Variants in ZNF14 observed in about 807,000 individuals in gnomAD.
ZNF14 encodes zinc finger protein 14.
Under a neutral mutation model 11.3 loss-of-function variants are expected in ZNF14, and 9 were observed. The observed-to-expected ratio is 0.80, with a 90% CI of 0.48 to 1.39. The LOEUF (loss-of-function observed/expected upper bound fraction) is 1.39. Among genes scored for constraint, ZNF14 ranks in the 40% most tolerant of loss-of-function variants. The pLI, the probability that ZNF14 is intolerant of heterozygous loss-of-function variation, is 0.00. For synonymous variants in ZNF14, 239 were observed against 245.7 expected, an observed-to-expected ratio of 0.97 and a Z score of 0.25; for missense variants, 711 against 763.9, an observed-to-expected ratio of 0.93 and a Z score of 0.82.
Position 19,723,920 on chromosome 19 carries a change from T to G in ZNF14, c.3+9036A>C, listed in dbSNP as rs896551305. Among the ~76,000 whole-genome samples the G allele has an allele frequency of 1.2e-4, 16 of 134,244 alleles. 5 individuals are homozygous for G. Among genetic ancestry groups the G allele is most frequent in the African/African-American group, 3.0e-4 (11 of 36,392 alleles). The allele number at this position is 134,244 out of a possible 152,430, so 88.1% of individuals were successfully genotyped here. A position where few individuals can be genotyped will look rare whatever the true frequency, so the allele number is the denominator to read the frequency against. On this transcript the variant is annotated intron_variant, in intron 1 of 3. Coordinates refer to ENST00000344099, the MANE Select transcript of ZNF14 (RefSeq NM_021030.3). The stretch of plus-strand genomic sequence containing the variant: ...GTAGTTTGTATTTCTGTGGGATCAG[T>G]GGTGATATCCCCTTTATCATTTTTT...
intron 1 of ZNF14, among the ~76,000 whole-genome samples, chr19:19,721,160 G>A (rs1599470224): frequency 6.6e-6 from 1 of 152,214 alleles, no homozygotes; most frequent in East Asian, 1.9e-4. Context: ...GTTTCACCAT[G>A]TTAGTCAGGC....
chr19:19,711,390 G>T lies in ZNF14; in HGVS notation c.1891C>A (p.Arg631=). The T allele has an allele frequency of 1.3e-6, 2 of 1,586,150 alleles. No individual in the cohort carries two copies. Among genetic ancestry groups the T allele is most frequent in the African/African-American group, 1.4e-5 (1 of 73,718 alleles). Residue 631 remains arginine, a synonymous_variant, in exon 4 of 4, where the codon CGA becomes AGA. Coordinates refer to ENST00000344099, the MANE Select transcript of ZNF14 (RefSeq NM_021030.3). ...CCCATATGAGTCCTTTCATGCAGTC[G>T]AAAGTGACTGGAAGAAATGAAGGCT... ...GKAFISSSHF[R]LHERTHMGEK...
intron 1 of ZNF14, among the ~76,000 whole-genome samples, chr19:19,729,695 C>G (rs1056678436): frequency 3.3e-5 from 5 of 152,034 alleles, no homozygotes; most frequent in African/African-American, 4.8e-5. Context: ...TACTTGTTTT[C>G]AAGGGTACCA....
chr19:19,714,837 A>G (rs1285807874), intron 1 of ZNF14, among the ~76,000 whole-genome samples: 2 of 149,990 alleles, frequency 1.3e-5, no homozygotes, highest in Admixed American at 1.3e-4. Context: ...CCAGCCTCCT[A>G]AGTAGCTGGG....
At position 19,712,210 on chromosome 19, in the gene ZNF14, A is replaced by G; in HGVS notation, c.1071T>C (p.His357=). The G allele has an allele frequency of 1.9e-6, 3 of 1,613,928 alleles. No individual in the cohort carries two copies. Among genetic ancestry groups the G allele is most frequent in the South Asian group, 1.1e-5 (1 of 91,036 alleles). The change falls in exon 4 of 4, where the codon CAT becomes CAC. Residue 357 remains histidine (H), a synonymous_variant. Coordinates refer to ENST00000344099, the MANE Select transcript of ZNF14 (RefSeq NM_021030.3). Reference sequence around the variant, plus strand: ...TACATTCATATGGTTTTTCTCCAATATGAGTTCTTTCATGCACTCGACAGG... The same window carrying G: ...TACATTCATATGGTTTTTCTCCAATGTGAGTTCTTTCATGCACTCGACAGG... ...SNSCRVHERT[H]IGEKPYECKR...
At position 19,727,750 on chromosome 19, in the gene ZNF14, C is replaced by T. The variant is rs948004360; in HGVS notation, c.3+5206G>A. 7.5e-5 allele frequency among the ~76,000 whole-genome samples: 10 copies of T among 134,090 alleles called. 1 individual carries two copies. Among genetic ancestry groups the T allele is most frequent in the South Asian group, 2.4e-4 (1 of 4,106 alleles). 88.0% of individuals were successfully genotyped at this position (134,090 alleles called of 152,430 possible). On this transcript the variant is annotated intron_variant, in intron 1 of 3. Transcript: ENST00000344099. ...CATCCAATCAATGCATCTTTATAGA[C>T]GCTTGGCATGTATTCCCAAACACCC...
Position 19,711,765 on chromosome 19 carries a change from T to G in ZNF14, c.1516A>C (p.Lys506Gln). 6.2e-7 allele frequency: 1 copy of G among 1,613,688 alleles called. No individual in the cohort carries two copies. The highest frequency in any genetic ancestry group is 8.5e-7 in the Non-Finnish European group (1 of 1,179,584). The change falls in exon 4 of 4, where the codon AAA (lysine) becomes CAA (glutamine). Residue 506 changes from lysine to glutamine, a missense_variant. Physicochemically the swap from Lys to Gln is moderately conservative, Grantham distance 53. Transcript: ENST00000344099. The part of the protein sequence containing the change: ...THTGEKPYEC[K>Q]LCGKTFSFSS... ...AAACTGAAGGTTTTACCGCATAGTT[T>G]ACATTCATAGGGTTTCTCTCCAGTG...
intron 1 of ZNF14, among the ~76,000 whole-genome samples, chr19:19,728,017 G>A (rs2145105292): frequency 7.5e-6 from 1 of 133,224 alleles, no homozygotes; most frequent in Non-Finnish European, 1.7e-5. Flanking sequence ...TCGGGAGGCT[G>A]AGGCAGGAGA....
Position 19,712,929 on chromosome 19 carries a change from G to C in ZNF14, c.352C>G (p.Leu118Val). 6.2e-7 allele frequency: 1 copy of C among 1,614,096 alleles called. No homozygotes were observed. The highest frequency in any genetic ancestry group is 8.5e-7 in the Non-Finnish European group (1 of 1,180,028). Residue 118 changes from leucine (L) to valine (V), a missense_variant, in exon 4 of 4, where the codon CTT becomes GTT. By Grantham distance (32) the Leu-to-Val change is conservative (BLOSUM62 1). Transcript: ENST00000344099. ...GTGTGAGATCTCATGTGCCTATTAA[G>C]GGACGAATGATGAATGAAGTCTCTT... ...CGRDFIHHSS[L>V]NRHMRSHTGQ... is the part of the protein sequence containing the mutation.
chr19:19,732,125 T>A (rs1311782665), intron 1 of ZNF14, among the ~76,000 whole-genome samples: 3 of 152,248 alleles, frequency 2.0e-5, no homozygotes, highest in Non-Finnish European at 4.4e-5. Flanking sequence ...AGATTTTGCA[T>A]CATCATGGCA....
rs1284585000 is a variant in ZNF14 at position 19,727,526 on chromosome 19, G to A, written c.3+5430C>T. Reference sequence around the variant, plus strand: ...TCCTACCACTCCTACTAAAGCCACCGTAAAAATTCCTGAGCCTCGAATACA... The same window carrying A: ...TCCTACCACTCCTACTAAAGCCACCATAAAAATTCCTGAGCCTCGAATACA... On this transcript the variant is annotated intron_variant, in intron 1 of 3. Coordinates refer to ENST00000344099, the MANE Select transcript of ZNF14 (RefSeq NM_021030.3). Among the ~76,000 whole-genome samples, 8 of 132,686 alleles carry A rather than the reference G, an allele frequency of 6.0e-5. 3 individuals are homozygous for A. Among genetic ancestry groups the A allele is most frequent in the Admixed American group, 1.5e-4 (2 of 13,462 alleles). The allele number at this position is 132,686 out of a possible 152,430, so 87.0% of individuals were successfully genotyped here. A position where few individuals can be genotyped will look rare whatever the true frequency, so the allele number is the denominator to read the frequency against.
At position 19,724,283 on chromosome 19, in the gene ZNF14, C is replaced by T. The variant is rs1310863132; in HGVS notation, c.3+8673G>A. 2.2e-5 allele frequency among the ~76,000 whole-genome samples: 3 copies of T among 133,516 alleles called. 1 individual carries two copies. The highest frequency in any genetic ancestry group is 5.0e-5 in the Non-Finnish European group (3 of 60,060). 87.6% of individuals were successfully genotyped at this position (133,516 alleles called of 152,430 possible). ...TCCCAGAGATTCTGGTATGTTTTGTCTTTGTTCTCACTGGTTTCAAAGAAC... is the reference window on the plus strand; with the variant it reads ...TCCCAGAGATTCTGGTATGTTTTGTTTTTGTTCTCACTGGTTTCAAAGAAC... On this transcript the variant is annotated intron_variant, in intron 1 of 3. Coordinates refer to ENST00000344099, the MANE Select transcript of ZNF14 (RefSeq NM_021030.3).
rs368761093 is a variant in ZNF14 at position 19,714,223 on chromosome 19, T to C, written c.131-72A>G. 6.0e-5 allele frequency: 96 copies of C among 1,587,728 alleles called. 1 individual carries two copies. In the African/African-American group the frequency reaches 7.7e-4, roughly 13 times the overall value. On this transcript the variant is annotated intron_variant, in intron 2 of 3. Coordinates refer to ENST00000344099, the MANE Select transcript of ZNF14 (RefSeq NM_021030.3). ...AGAAAATTGTTACAGTCTAGTTTCA[T>C]GATTAGCTGTGACTGTCTGATTCAA... is the stretch of plus-strand genomic sequence containing the variant.
intron 1 of ZNF14, among the ~76,000 whole-genome samples, chr19:19,721,700 G>A (rs533455724): frequency 6.6e-6 from 1 of 152,146 alleles, no homozygotes; most frequent in Non-Finnish European, 1.5e-5. Context: ...GGTGGCTCAT[G>A]CCTGTAATCC....
Position 19,712,078 on chromosome 19 carries a change from A to C in ZNF14, c.1203T>G (p.Ser401Arg). ...YECKQCHKTF[S>R]FSSSLREHET... ...CGTGTTCTCGAAGGGAACTTGAAAA[A>C]CTGAAGGTTTTATGACACTGTTTAC... Residue 401 changes from serine (S) to arginine (R), a missense_variant, in exon 4 of 4, where the codon AGT becomes AGG. Coordinates refer to ENST00000344099, the MANE Select transcript of ZNF14 (RefSeq NM_021030.3). 1 of 1,613,306 alleles carries C rather than the reference A, an allele frequency of 6.2e-7. No individual in the cohort carries two copies. Among genetic ancestry groups the C allele is most frequent in the Non-Finnish European group, 8.5e-7 (1 of 1,179,800 alleles).
chr19:19,711,681 T>C lies in ZNF14; in HGVS notation c.1600A>G (p.Lys534Glu). ...CGAAGGAAGGCCTTACCACATTGCT[T>C]ACACTCAAAAGGCTTATTTCCAGTG... The part of the protein sequence containing the change: ...IHTGNKPFEC[K>E]QCGKAFLRSS... Residue 534 changes from lysine to glutamate, a missense_variant, in exon 4 of 4, where the codon AAG (lysine) becomes GAG (glutamate). Lys to Glu is a moderately conservative substitution (Grantham distance 56). Coordinates refer to ENST00000344099, the MANE Select transcript of ZNF14 (RefSeq NM_021030.3). 2 of 1,614,162 alleles carry C rather than the reference T, an allele frequency of 1.2e-6. No homozygotes were observed. Among genetic ancestry groups the C allele is most frequent in the Non-Finnish European group, 1.7e-6 (2 of 1,180,022 alleles).
chr19:19,713,600 C>A (rs1414203791), intron 3 of ZNF14, among the ~76,000 whole-genome samples: 2 of 152,062 alleles, frequency 1.3e-5, no homozygotes, highest in Non-Finnish European at 2.9e-5. Context: ...AGGAGCACAC[C>A]ACCACAGCTG....
In ZNF14 at chr19:19,723,985, A is replaced by G. The variant is rs2062400233; in HGVS notation, c.3+8971T>C. 1.5e-5 allele frequency among the ~76,000 whole-genome samples: 2 copies of G among 132,852 alleles called. 1 individual carries two copies. The highest frequency in any genetic ancestry group is 4.9e-4 in the South Asian group (2 of 4,100). The allele number at this position is 132,852 out of a possible 152,430, so 87.2% of individuals were successfully genotyped here. On this transcript the variant is annotated intron_variant, in intron 1 of 3. Transcript: ENST00000344099. The stretch of plus-strand genomic sequence containing the variant: ...ATTCTTCTCTCTTTTATTCTTTATT[A>G]GTCTTGCTAGCAGTCTATCAATTTT...
In ZNF14 at chr19:19,712,527, C is replaced by G. The variant is rs2062364645; in HGVS notation, c.754G>C (p.Glu252Gln). The G allele has an allele frequency of 6.2e-7, 1 of 1,613,042 alleles. No homozygotes were observed. Among genetic ancestry groups the G allele is most frequent in the African/African-American group, 1.3e-5 (1 of 74,770 alleles). ...KRTHTGEKPY[E>Q]CKQCGKAFSC... ...AAAGCCTTACCACATTGCTTACATT[C>G]ATAGGGTTTCTCTCCAGTGTGAGTC... The change falls in exon 4 of 4, where the codon GAA becomes CAA. Residue 252 changes from glutamate to glutamine, a missense_variant. Physicochemically the swap from Glu to Gln is conservative, Grantham distance 29. Coordinates refer to ENST00000344099, the MANE Select transcript of ZNF14 (RefSeq NM_021030.3).
Sources: gnomAD v4.1 joint callset for allele counts (sites outside exome capture counted in the v4.1 genomes callset) on GRCh38, gnomAD v4.1.1 for gene constraint, MANE v1.5 for transcripts, NCBI Gene and HGNC (gene_info 2026-07-23, HGNC 2026-07-21) for gene names.